NOX3: variants seen among roughly 807,000 people sequenced by gnomAD.
The protein encoded by NOX3 is NADPH oxidase 3.
Under a neutral mutation model 76.7 loss-of-function variants are expected in NOX3, and 74 were observed. The observed-to-expected ratio is 0.96, with a 90% CI of 0.80 to 1.17. The LOEUF (loss-of-function observed/expected upper bound fraction) is 1.17. Among genes scored for constraint, NOX3 ranks in the 50% most tolerant of loss-of-function variants. The probability of loss-of-function intolerance (pLI) is 0.00; values close to 1 mark genes in which losing one functional copy is unlikely to be tolerated. For synonymous variants in NOX3, 263 were observed against 261.1 expected (o/e 1.01, Z -0.07); for missense variants, 695 against 703.3 (o/e 0.99, Z 0.13).
intron 4 of NOX3, among the ~76,000 whole-genome samples, chr6:155,450,738 A>G (rs1360587383): frequency 6.6e-6 from 1 of 152,174 alleles, no homozygotes; most frequent in African/African-American, 2.4e-5. Context: ...TCAAAGGCAC[A>G]GAATGCTTAG....
intron 10 of NOX3, among the ~76,000 whole-genome samples, chr6:155,412,422 T>C (rs1476254309): frequency 6.6e-6 from 1 of 152,206 alleles, no homozygotes; most frequent in Non-Finnish European, 1.5e-5. Context: ...TTGTCTATTC[T>C]CTTCATGTTT....
At chr6:155,438,107 AG>A (rs1776934953) in intron 6 of NOX3, among the ~76,000 whole-genome samples, 1 of 151,984 alleles carries the variant, frequency 6.6e-6, no homozygotes, top group Non-Finnish European at 1.5e-5. Context: ...ACGTATGTTT[AG>A]GGGGGTAAGC....
intron 12 of NOX3, among the ~76,000 whole-genome samples, chr6:155,401,954 A>C (rs1045437778): frequency 6.6e-6 from 1 of 152,206 alleles, no homozygotes; most frequent in Non-Finnish European, 1.5e-5. Flanking sequence ...CCTATGGAAA[A>C]TTATTTTATT....
Position 155,429,058 on chromosome 6 carries a change from G to C in NOX3, c.892-11C>G. ...GGGGTGGCTTACCACCTATGTGAGAGTGAGAGAGTTGTTTGCCTTTGTCCT... is the reference window on the plus strand; with the variant it reads ...GGGGTGGCTTACCACCTATGTGAGACTGAGAGAGTTGTTTGCCTTTGTCCT... On this transcript the variant is annotated splice_polypyrimidine_tract_variant and intron_variant, in intron 8 of 13. Coordinates refer to ENST00000159060, the MANE Select transcript of NOX3 (RefSeq NM_015718.3). 6.5e-7 allele frequency: 1 copy of C among 1,544,398 alleles called. No homozygotes were observed. Among genetic ancestry groups the C allele is most frequent in the South Asian group, 1.2e-5 (1 of 81,884 alleles).
At chr6:155,440,580 G>A (rs1776971161) in intron 5 of NOX3, among the ~76,000 whole-genome samples, 2 of 151,620 alleles carry the variant, frequency 1.3e-5, no homozygotes, top group Admixed American at 1.3e-4. Context: ...GTGTGAGGCT[G>A]CAATGAGCCG....
At chr6:155,416,777 G>A (rs973750622) in intron 10 of NOX3, among the ~76,000 whole-genome samples, 1 of 105,678 alleles carries the variant, frequency 9.5e-6, no homozygotes, top group African/African-American at 3.8e-5. Flanking sequence ...TTGAGACGGA[G>A]TCTCGCGCTA....
chr6:155,414,504 G>T (rs1191535748), intron 10 of NOX3, among the ~76,000 whole-genome samples: 2 of 151,530 alleles, frequency 1.3e-5, no homozygotes, highest in South Asian at 2.1e-4. Context: ...TACTTTAAAA[G>T]ATTTTATTAA....
chr6:155,415,358 T>C (rs1205714083), intron 10 of NOX3, among the ~76,000 whole-genome samples: 4 of 152,168 alleles, frequency 2.6e-5, no homozygotes, highest in Non-Finnish European at 5.9e-5. Flanking sequence ...GGCGATTACA[T>C]CTCCAAAACT....
At chr6:155,425,300 A>G (rs1325901350) in intron 9 of NOX3, among the ~76,000 whole-genome samples, 6 of 152,158 alleles carry the variant, frequency 3.9e-5, no homozygotes, top group Non-Finnish European at 2.9e-5. Flanking sequence ...CAGATTTTTA[A>G]CAATCTGAAT....
intron 9 of NOX3, among the ~76,000 whole-genome samples, chr6:155,425,076 G>A (rs1164055344): frequency 6.6e-6 from 1 of 152,176 alleles, no homozygotes; most frequent in Non-Finnish European, 1.5e-5. Context: ...AAACTGCGGG[G>A]CACCTTGTTC....
chr6:155,407,033 G>T, intron 12 of NOX3, 97 bp downstream of exon 12: 3 of 1,327,542 alleles, frequency 2.3e-6, no homozygotes, highest in Admixed American at 1.8e-5. Context: ...GTCTCTAATG[G>T]AGATATACGG....
chr6:155,400,379 A>AT (rs1228072477), intron 12 of NOX3, among the ~76,000 whole-genome samples: 2 of 151,728 alleles, frequency 1.3e-5, no homozygotes, highest in Admixed American at 1.3e-4. Flanking sequence ...CCTAAACCCT[A>AT]TTTAAAAAAA....
At chr6:155,410,871 C>T (rs1157244681) in intron 11 of NOX3, among the ~76,000 whole-genome samples, 1 of 152,208 alleles carries the variant, frequency 6.6e-6, no homozygotes, top group East Asian at 1.9e-4. Flanking sequence ...CAGTCAGGAA[C>T]TCAACAAGAT....
intron 11 of NOX3, among the ~76,000 whole-genome samples, chr6:155,408,169 T>C (rs80002170): frequency 0.018 from 2,708 of 152,148 alleles, 90 homozygotes; most frequent in African/African-American, 0.061. Flanking sequence ...TGTATTTTTA[T>C]TGGAGACAGG....
intron 12 of NOX3, among the ~76,000 whole-genome samples, chr6:155,404,127 ATT>A (rs4031391): frequency 0.015 from 2,203 of 145,340 alleles, 51 homozygotes; most frequent in African/African-American, 0.053. Context: ...ATATATATAT[ATT>A]TTTTTTTTCC....
intron 3 of NOX3, among the ~76,000 whole-genome samples, chr6:155,454,435 T>C (rs1777185415): frequency 6.6e-6 from 1 of 152,262 alleles, no homozygotes; most frequent in Non-Finnish European, 1.5e-5. Context: ...ACTGTGATTA[T>C]GCTTTTGTGG....
chr6:155,409,515 A>G (rs2114679736), intron 11 of NOX3, among the ~76,000 whole-genome samples: 1 of 152,310 alleles, frequency 6.6e-6, no homozygotes, highest in South Asian at 2.1e-4. Context: ...TATTTGTCCC[A>G]TATTTCTCAG....
chr6:155,407,247 T>C lies in NOX3; in HGVS notation c.1463A>G (p.His488Arg). ...LTGWDENQAL[H>R]IALHWDENTD... Reference sequence around the variant, plus strand: ...ATTTTCGTCCCAGTGTAAAGCTATGTGAAGAGCCTAAAGTAAATTTGTGGC... The same window carrying C: ...ATTTTCGTCCCAGTGTAAAGCTATGCGAAGAGCCTAAAGTAAATTTGTGGC... Residue 488 changes from histidine to arginine, a missense_variant, in exon 12 of 14, where the codon CAC becomes CGC. Transcript: ENST00000159060. The C allele has an allele frequency of 6.2e-7, 1 of 1,613,572 alleles. No homozygotes were observed. Among genetic ancestry groups the C allele is most frequent in the South Asian group, 1.1e-5 (1 of 90,978 alleles).
At chr6:155,417,941 T>C (rs537479808) in intron 10 of NOX3, among the ~76,000 whole-genome samples, 1 of 152,298 alleles carries the variant, frequency 6.6e-6, no homozygotes, top group East Asian at 1.9e-4. Context: ...TGGTTATATA[T>C]TATGGAGCTG....
Sources: allele counts gnomAD v4.1 joint callset (sites outside exome capture counted in the v4.1 genomes callset), GRCh38; gene constraint gnomAD v4.1.1; transcripts MANE v1.5; gene names NCBI Gene and HGNC (gene_info 2026-07-23, HGNC 2026-07-21).